ATRIP: variants seen among roughly 807,000 people sequenced by gnomAD.
ATRIP encodes ATR interacting protein.
ATRIP carries 44 observed loss-of-function variants against 78.1 expected under a neutral mutation model. That is an observed-to-expected ratio of 0.56 (90% CI 0.44 to 0.72). The LOEUF (loss-of-function observed/expected upper bound fraction) is 0.72. Ranked by LOEUF, ATRIP falls within the 30% of genes least tolerant of loss-of-function variation. The probability of loss-of-function intolerance (pLI) is 0.00; values close to 1 mark genes in which losing one functional copy is unlikely to be tolerated. For missense variants in ATRIP, 927 were observed against 980.2 expected (o/e 0.95, Z 0.72); for synonymous variants, 388 against 408.9 (o/e 0.95, Z 0.62).
intron 2 of ATRIP, among the ~76,000 whole-genome samples, chr3:48,451,491 A>G (rs1378723412): frequency 6.6e-6 from 1 of 152,210 alleles, no homozygotes; most frequent in Non-Finnish European, 1.5e-5. Context: ...CCTCCCTGGC[A>G]AAAAGAATCT....
In ATRIP at chr3:48,466,782, G is replaced by A. The variant is rs780414238; in HGVS notation, c.*1228G>A. The A allele has an allele frequency of 1.9e-6, 3 of 1,613,916 alleles. No individual in the cohort carries two copies. In the South Asian group the frequency reaches 3.3e-5, roughly 18 times the overall value. On this transcript the variant is annotated 3_prime_UTR_variant, in exon 13 of 13. Coordinates refer to ENST00000320211, the MANE Select transcript of ATRIP (RefSeq NM_130384.3). Reference sequence around the variant, plus strand: ...GTGCCTGCTGGCTGTCCACAGATGTGCCCTGGAGAGCCCCCCCACCTCTCA... The same window carrying A: ...GTGCCTGCTGGCTGTCCACAGATGTACCCTGGAGAGCCCCCCCACCTCTCA...
intron 1 of ATRIP, chr3:48,447,666 T>A: frequency 1.9e-6 from 1 of 528,064 alleles, no homozygotes; most frequent in Non-Finnish European, 2.4e-6. Flanking sequence ...GAGGAGTGAG[T>A]GAAGTCTTGA....
intron 10 of ATRIP, 66 bp downstream of exon 10, chr3:48,464,198 T>G: frequency 1.5e-6 from 2 of 1,350,864 alleles, no homozygotes; most frequent in Non-Finnish European, 2.1e-6. Flanking sequence ...CAGAATCTCC[T>G]TTCTTTCCGC....
chr3:48,458,544 T>C (rs942356474), intron 5 of ATRIP, among the ~76,000 whole-genome samples: 5 of 152,134 alleles, frequency 3.3e-5, no homozygotes, highest in Admixed American at 6.6e-5. Flanking sequence ...ATGGTCTCAA[T>C]CTCATGACCT....
rs984092576 is a variant in ATRIP at position 48,466,212 on chromosome 3, G to A, written c.*658G>A. 12 of 566,030 alleles carry A rather than the reference G, an allele frequency of 2.1e-5. No individual in the cohort carries two copies. The highest frequency in any genetic ancestry group is 1.5e-4 in the Admixed American group (5 of 33,540). 35.1% of individuals were successfully genotyped at this position (566,030 alleles called of 1,614,324 possible). ...GCCTGGCTCACGTGGGCCTGTAGGC[G>A]GGCCCACGCCAAGTTTCACTTCCCG... On this transcript the variant is annotated 3_prime_UTR_variant, in exon 13 of 13. Coordinates refer to ENST00000320211, the MANE Select transcript of ATRIP (RefSeq NM_130384.3).
Position 48,466,984 on chromosome 3 carries a change from C to G in ATRIP, c.*1430C>G, listed in dbSNP as rs939579849. On this transcript the variant is annotated 3_prime_UTR_variant, in exon 13 of 13. Transcript: ENST00000320211. ...GACAACCTGGCCAACCTGCTCCTAGCCTTCCTGCGGCGCCAGCCACAGCCC... is the reference window on the plus strand; with the variant it reads ...GACAACCTGGCCAACCTGCTCCTAGGCTTCCTGCGGCGCCAGCCACAGCCC... 2 of 1,613,110 alleles carry G rather than the reference C, an allele frequency of 1.2e-6. No individual in the cohort carries two copies. The highest frequency in any genetic ancestry group is 2.7e-5 in the African/African-American group (2 of 74,946).
At chr3:48,455,700 G>A (rs2039937953) in intron 4 of ATRIP, among the ~76,000 whole-genome samples, 1 of 151,688 alleles carries the variant, frequency 6.6e-6, no homozygotes, top group South Asian at 2.1e-4. Flanking sequence ...ATTTCACCAT[G>A]TTGGCCAAGC....
chr3:48,460,232 A>C lies in ATRIP; in HGVS notation c.1178A>C (p.Glu393Ala). 2 of 1,614,142 alleles carry C rather than the reference A, an allele frequency of 1.2e-6. No individual in the cohort carries two copies. Among genetic ancestry groups the C allele is most frequent in the East Asian group, 2.2e-5 (1 of 44,890 alleles). Residue 393 changes from glutamate to alanine, a missense_variant, in exon 8 of 13, where the codon GAG (glutamate) becomes GCG (alanine). Glu to Ala is a moderately radical substitution (Grantham distance 107). Coordinates refer to ENST00000320211, the MANE Select transcript of ATRIP (RefSeq NM_130384.3). Reference protein sequence around the residue: ...FTGLNLVARNECSRDGDPAEG... With the variant: ...FTGLNLVARNACSRDGDPAEG... ...GGACTGAATCTGGTTGCCCGGAATGAGTGCTCACGTGATGGAGACCCAGCA... is the reference window on the plus strand; with the variant it reads ...GGACTGAATCTGGTTGCCCGGAATGCGTGCTCACGTGATGGAGACCCAGCA...
At position 48,464,111 on chromosome 3, in the gene ATRIP, A is replaced by G. The variant is rs746778888; in HGVS notation, c.1953A>G (p.Gln651=). The G allele has an allele frequency of 7.4e-6, 12 of 1,613,566 alleles. No individual in the cohort carries two copies. Among genetic ancestry groups the G allele is most frequent in the Admixed American group, 6.7e-5 (4 of 60,002 alleles). ...CTGACAGAGTGGCCTTGGAGACACA[A>G]TGGCTCCAGCTGGAACAAGAGGTAA... ...SRPDRVALET[Q]WLQLEQEVVW... Residue 651 remains glutamine, a synonymous_variant, in exon 10 of 13, where the codon CAA becomes CAG. Coordinates refer to ENST00000320211, the MANE Select transcript of ATRIP (RefSeq NM_130384.3).
chr3:48,448,192 C>T (rs1326716641), intron 1 of ATRIP, among the ~76,000 whole-genome samples: 1 of 127,966 alleles, frequency 7.8e-6, no homozygotes, highest in Non-Finnish European at 1.6e-5. Flanking sequence ...GACGGAGTCT[C>T]ACTCTGTCAC....
At chr3:48,450,710 C>T (rs991272728) in intron 2 of ATRIP, 27 of 396,946 alleles carry the variant, frequency 6.8e-5, no homozygotes, top group Non-Finnish European at 2.3e-5. Context: ...CCTTAGCTTC[C>T]AGAGTAGCTG....
chr3:48,455,078 G>C (rs575630021), intron 4 of ATRIP, among the ~76,000 whole-genome samples: 1 of 152,020 alleles, frequency 6.6e-6, no homozygotes, highest in Non-Finnish European at 1.5e-5. Flanking sequence ...GGCCAGGCTC[G>C]TCTCAAACTC....
Position 48,463,731 on chromosome 3 carries a change from T to TC in ATRIP, c.1746-11dup. The TC allele has an allele frequency of 1.2e-6, 2 of 1,613,982 alleles. No homozygotes were observed. Among genetic ancestry groups the TC allele is most frequent in the Non-Finnish European group, 1.7e-6 (2 of 1,179,930 alleles). On this transcript the variant is annotated splice_polypyrimidine_tract_variant and intron_variant, in intron 8 of 12. Transcript: ENST00000320211. Reference sequence around the variant, plus strand: ...TTGGGGAGTGTCACGTCTCTCTGGGTCCCTGTCTTTTAGGTTCCAGTGTGT... The same window carrying TC: ...TTGGGGAGTGTCACGTCTCTCTGGGTCCCCTGTCTTTTAGGTTCCAGTGTGT...
At position 48,467,527 on chromosome 3, in the gene ATRIP, T is replaced by C; in HGVS notation, c.*1973T>C. The C allele has an allele frequency of 6.2e-7, 1 of 1,613,668 alleles. No homozygotes were observed. Among genetic ancestry groups the C allele is most frequent in the Non-Finnish European group, 8.5e-7 (1 of 1,179,806 alleles). On this transcript the variant is annotated 3_prime_UTR_variant, in exon 13 of 13. Transcript: ENST00000320211. ...TCCAGGGAGGGGCTGCTGGCCCCAC[T>C]GGGTCTGCTGGCCATCCTGACCTTG...
Position 48,459,399 on chromosome 3 carries a change from A to G in ATRIP, c.870A>G (p.Gln290=), listed in dbSNP as rs1321139888. The G allele has an allele frequency of 3.9e-5, 63 of 1,614,162 alleles. No individual in the cohort carries two copies. Among genetic ancestry groups the G allele is most frequent in the Non-Finnish European group, 5.1e-5 (60 of 1,180,028 alleles). The part of the protein sequence containing the change: ...PHSLRGDSIK[Q]EEAQKSFVDS... ...GTCTGAGAGGTGACTCCATAAAACA[A>G]GAAGAGGCCCAGAAAAGCTTTGTTG... is the stretch of plus-strand genomic sequence containing the variant. The change falls in exon 6 of 13, where the codon CAA becomes CAG. Residue 290 remains glutamine (Q), a synonymous_variant. Coordinates refer to ENST00000320211, the MANE Select transcript of ATRIP (RefSeq NM_130384.3).
intron 3 of ATRIP, among the ~76,000 whole-genome samples, chr3:48,452,783 GCCA>G (rs1560102977): frequency 6.6e-6 from 1 of 151,888 alleles, no homozygotes; most frequent in Non-Finnish European, 1.5e-5. Flanking sequence ...TCTGTCCCTG[GCCA>G]ATTGCTATAA....
Position 48,450,037 on chromosome 3 carries a change from G to C in ATRIP, c.248G>C (p.Ser83Thr). The C allele has an allele frequency of 6.2e-7, 1 of 1,606,112 alleles. No homozygotes were observed. Residue 83 changes from serine to threonine, a missense_variant and splice_region_variant, in exon 2 of 13, where the codon AGT becomes ACT. Physicochemically the swap from Ser to Thr is moderately conservative, Grantham distance 58. Transcript: ENST00000320211. ...QCPAAARDVS[S>T]DHKVHRLLDG... is the part of the protein sequence containing the mutation. Reference sequence around the variant, plus strand: ...ATGTATATGGAACTATTTTTTACAGGTGATCATAAGGTCCACAGATTATTA... The same window carrying C: ...ATGTATATGGAACTATTTTTTACAGCTGATCATAAGGTCCACAGATTATTA...
At chr3:48,453,454 A>G (rs770189101) in intron 3 of ATRIP, among the ~76,000 whole-genome samples, 3 of 152,244 alleles carry the variant, frequency 2.0e-5, no homozygotes, top group Non-Finnish European at 4.4e-5. Flanking sequence ...ATCACACATA[A>G]GCAGTGACCT....
chr3:48,457,910 C>T (rs1189390004), intron 5 of ATRIP, among the ~76,000 whole-genome samples: 1 of 151,758 alleles, frequency 6.6e-6, no homozygotes, highest in Non-Finnish European at 1.5e-5. Flanking sequence ...TTTTAGGGTA[C>T]ATGTGCACAA....
Sources: gnomAD v4.1 joint callset for allele counts (sites outside exome capture counted in the v4.1 genomes callset) on GRCh38, gnomAD v4.1.1 for gene constraint, MANE v1.5 for transcripts, NCBI Gene and HGNC (gene_info 2026-07-23, HGNC 2026-07-21) for gene names.